Variants in ARID4A observed in about 807,000 individuals in gnomAD.
ARID4A encodes AT-rich interaction domain 4A.
In ARID4A, 39 loss-of-function variants were observed where a neutral mutation model predicts 148.6. That is an observed-to-expected ratio of 0.26 (90% CI 0.20 to 0.34). The LOEUF (loss-of-function observed/expected upper bound fraction) is 0.34, where lower values mean the gene tolerates loss of function less well. ARID4A is among the 10% of genes least tolerant of loss of function. ARID4A has a pLI of 1.00. For synonymous variants in ARID4A, 475 were observed against 481.2 expected, an observed-to-expected ratio of 0.99 and a Z score of 0.17; for missense variants, 1,265 against 1,449.1, an observed-to-expected ratio of 0.87 and a Z score of 2.06.
chr14:58,367,032 A>G lies in ARID4A; in HGVS notation c.3670+3A>G. ...ATTAAAAAAGAAAGACAGGGAAGGT[A>G]ATTTTATTATGATTTTTCTCCCCTT... On this transcript the variant is annotated splice_donor_region_variant and intron_variant, in intron 23 of 23. Coordinates refer to ENST00000355431, the MANE Select transcript of ARID4A (RefSeq NM_002892.4). The G allele has an allele frequency of 1.3e-6, 2 of 1,483,446 alleles. No homozygotes were observed. Among genetic ancestry groups the G allele is most frequent in the South Asian group, 1.5e-5 (1 of 67,806 alleles). 91.9% of individuals were successfully genotyped at this position (1,483,446 alleles called of 1,614,324 possible).
intron 18 of ARID4A, among the ~76,000 whole-genome samples, chr14:58,360,516 T>C (rs527267453): frequency 1.1e-4 from 16 of 152,336 alleles, no homozygotes; most frequent in Middle Eastern, 3.4e-3. Flanking sequence ...TACTGGATGA[T>C]AGATATCTTT....
intron 5 of ARID4A, among the ~76,000 whole-genome samples, chr14:58,309,278 G>C (rs955047620): frequency 1.3e-5 from 2 of 152,312 alleles, no homozygotes; most frequent in East Asian, 3.9e-4. Context: ...ACTGCTCTCA[G>C]CTTCCCCTTT....
intron 11 of ARID4A, among the ~76,000 whole-genome samples, chr14:58,341,530 T>C (rs149601121): frequency 3.9e-5 from 6 of 152,354 alleles, no homozygotes; most frequent in Non-Finnish European, 8.8e-5. Flanking sequence ...TACCACATCG[T>C]GTTATATTGG....
At chr14:58,326,546 A>G (rs1594901206) in intron 8 of ARID4A, among the ~76,000 whole-genome samples, 1 of 152,248 alleles carries the variant, frequency 6.6e-6, no homozygotes, top group East Asian at 1.9e-4. Context: ...AGCTGTGAAC[A>G]TAATTTGAAT....
chr14:58,354,736 G>A (rs1431707674), intron 17 of ARID4A, among the ~76,000 whole-genome samples: 1 of 151,856 alleles, frequency 6.6e-6, no homozygotes, highest in African/African-American at 2.4e-5. Context: ...ATTGGATCCT[G>A]TCAGGAAGTT....
At position 58,329,513 on chromosome 14, in the gene ARID4A, C is replaced by G. The variant is rs2033401213; in HGVS notation, c.663-15C>G. The stretch of plus-strand genomic sequence containing the variant: ...TTGAATAAATTGTTTTCCTCCCCTT[C>G]TTCTTGATAATTAGTTACTCTATAG... On this transcript the variant is annotated splice_polypyrimidine_tract_variant and intron_variant, in intron 9 of 23. Transcript: ENST00000355431. 5 of 1,532,872 alleles carry G rather than the reference C, an allele frequency of 3.3e-6. No homozygotes were observed. Among genetic ancestry groups the G allele is most frequent in the Non-Finnish European group, 4.5e-6 (5 of 1,107,784 alleles). 95.0% of individuals were successfully genotyped at this position (1,532,872 alleles called of 1,614,324 possible).
At chr14:58,313,398 G>C (rs995953087) in intron 5 of ARID4A, among the ~76,000 whole-genome samples, 13 of 152,150 alleles carry the variant, frequency 8.5e-5, no homozygotes, top group African/African-American at 3.1e-4. Flanking sequence ...CCTCGCTTGT[G>C]CAGTTCACAG....
At chr14:58,354,693 A>AG (rs1245614734) in intron 17 of ARID4A, among the ~76,000 whole-genome samples, 1 of 150,816 alleles carries the variant, frequency 6.6e-6, no homozygotes, top group East Asian at 1.9e-4. Flanking sequence ...ATAAATAAAA[A>AG]AAAAAAAAAA....
intron 5 of ARID4A, 119 bp downstream of exon 5, chr14:58,306,231 T>A: frequency 1.5e-6 from 1 of 669,202 alleles, no homozygotes; most frequent in Non-Finnish European, 2.4e-6. Flanking sequence ...GTCAGTTTAC[T>A]GGATATAGCT....
intron 8 of ARID4A, among the ~76,000 whole-genome samples, chr14:58,325,946 C>A (rs2033184523): frequency 6.6e-6 from 1 of 151,600 alleles, no homozygotes; most frequent in African/African-American, 2.4e-5. Context: ...AGACACTATT[C>A]TTACATTTGA....
intron 5 of ARID4A, among the ~76,000 whole-genome samples, chr14:58,314,500 C>T (rs2032273677): frequency 6.6e-6 from 1 of 152,144 alleles, no homozygotes; most frequent in Non-Finnish European, 1.5e-5. Flanking sequence ...ATTATAGCTC[C>T]CTGCATCCCT....
At chr14:58,349,865 C>A (rs544289688) in intron 15 of ARID4A, among the ~76,000 whole-genome samples, 1 of 152,232 alleles carries the variant, frequency 6.6e-6, no homozygotes, top group South Asian at 2.1e-4. Context: ...AATCTCAGCA[C>A]TTTGGTAGGC....
intron 5 of ARID4A, among the ~76,000 whole-genome samples, chr14:58,311,943 T>A (rs2032071284): frequency 6.7e-6 from 1 of 148,316 alleles, no homozygotes; most frequent in African/African-American, 2.5e-5. Flanking sequence ...GGGCGGGGGG[T>A]GAGGGATTAG....
At chr14:58,315,976 T>A (rs948338936) in intron 5 of ARID4A, among the ~76,000 whole-genome samples, 1 of 152,244 alleles carries the variant, frequency 6.6e-6, no homozygotes, top group Non-Finnish European at 1.5e-5. Flanking sequence ...GCTAGGTATC[T>A]GTAGTCTAAG....
At chr14:58,311,981 T>G (rs1390834883) in intron 5 of ARID4A, among the ~76,000 whole-genome samples, 1 of 152,030 alleles carries the variant, frequency 6.6e-6, no homozygotes, top group Admixed American at 6.6e-5. Context: ...GATACAAAAT[T>G]TCAGTTAGAA....
At chr14:58,316,701 C>T (rs2032439466) in intron 5 of ARID4A, among the ~76,000 whole-genome samples, 2 of 152,098 alleles carry the variant, frequency 1.3e-5, no homozygotes, top group South Asian at 4.1e-4. Context: ...CTGCCTCAGC[C>T]TCCCGAGTAG....
intron 11 of ARID4A, among the ~76,000 whole-genome samples, chr14:58,333,346 C>T (rs1050865184): frequency 6.6e-6 from 1 of 151,724 alleles, no homozygotes; most frequent in African/African-American, 2.4e-5. Flanking sequence ...GTAATCATAT[C>T]AATTATTCAT....
In ARID4A at chr14:58,358,031, G is replaced by A. The variant is rs531920651; in HGVS notation, c.1854-1101G>A. 3.4e-3 allele frequency among the ~76,000 whole-genome samples: 520 copies of A among 151,884 alleles called. 2 individuals carry two copies. Among genetic ancestry groups the A allele is most frequent in the Non-Finnish European group, 5.2e-3 (351 of 67,924 alleles). ...CAGCCTGGGCAACATGGCAAAACCCGTCTCTATAAAAAATACAAAAATTAG... is the reference window on the plus strand; with the variant it reads ...CAGCCTGGGCAACATGGCAAAACCCATCTCTATAAAAAATACAAAAATTAG... On this transcript the variant is annotated intron_variant, in intron 17 of 23. Transcript: ENST00000355431.
chr14:58,365,065 A>C lies in ARID4A; in HGVS notation c.2976A>C (p.Pro992=), dbSNP rs757491159. Residue 992 remains proline (P), a synonymous_variant, in exon 20 of 24, where the codon CCA becomes CCC. Coordinates refer to ENST00000355431, the MANE Select transcript of ARID4A (RefSeq NM_002892.4). The part of the protein sequence containing the change: ...SSESNSLVSI[P]PALPPVVQHN... The stretch of plus-strand genomic sequence containing the variant: ...AGTCTAACTCTCTTGTTTCTATTCC[A>C]CCTGCCCTACCTCCTGTAGTCCAAC... 1 of 1,614,076 alleles carries C rather than the reference A, an allele frequency of 6.2e-7. No homozygotes were observed. Among genetic ancestry groups the C allele is most frequent in the South Asian group, 1.1e-5 (1 of 91,080 alleles).
Sources: gnomAD v4.1 joint callset for allele counts (sites outside exome capture counted in the v4.1 genomes callset) on GRCh38, gnomAD v4.1.1 for gene constraint, MANE v1.5 for transcripts, NCBI Gene and HGNC (gene_info 2026-07-23, HGNC 2026-07-21) for gene names.